LOXL2: variants seen among roughly 807,000 people sequenced by gnomAD.
LOXL2 encodes the protein lysyl oxidase like 2.
Under a neutral mutation model 93.0 loss-of-function variants are expected in LOXL2, and 70 were observed. The observed-to-expected ratio is 0.75, with a 90% CI of 0.62 to 0.92. LOXL2 has a LOEUF of 0.92. Among genes scored for constraint, LOXL2 ranks in the 40% least tolerant of loss-of-function variants. The pLI is 0.00. For synonymous variants in LOXL2, 438 were observed against 413.2 expected (o/e 1.06, Z -0.73); for missense variants, 973 against 1,054.9 (o/e 0.92, Z 1.08).
At chr8:23,346,316 C>T (rs1029656147) in intron 3 of LOXL2, among the ~76,000 whole-genome samples, 1 of 152,098 alleles carries the variant, frequency 6.6e-6, no homozygotes, top group Non-Finnish European at 1.5e-5. Flanking sequence ...TTGCCAGAGA[C>T]AACAGTGCAC....
chr8:23,393,983 G>A (rs1043040865), intron 1 of LOXL2, among the ~76,000 whole-genome samples: 1 of 152,166 alleles, frequency 6.6e-6, no homozygotes, highest in Non-Finnish European at 1.5e-5. Context: ...AACAGACACT[G>A]TCAAGAAAGG....
intron 6 of LOXL2, among the ~76,000 whole-genome samples, chr8:23,324,031 G>C (rs1803540535): frequency 6.6e-6 from 1 of 152,188 alleles, no homozygotes; most frequent in Non-Finnish European, 1.5e-5. Context: ...TCTGCCACTT[G>C]ACATGAACTC....
At chr8:23,403,091 G>A (rs930272452) in intron 1 of LOXL2, among the ~76,000 whole-genome samples, 5 of 152,174 alleles carry the variant, frequency 3.3e-5, no homozygotes, top group Non-Finnish European at 7.3e-5. Flanking sequence ...ACCTCGAGCA[G>A]GCAGCCACAC....
At chr8:23,349,229 G>A (rs1237344053) in intron 3 of LOXL2, among the ~76,000 whole-genome samples, 1 of 152,146 alleles carries the variant, frequency 6.6e-6, no homozygotes, top group Non-Finnish European at 1.5e-5. Context: ...CTAGGCCTGT[G>A]CTGTCTCCTC....
At chr8:23,372,250 C>G (rs10448069) in intron 1 of LOXL2, among the ~76,000 whole-genome samples, 43,371 of 149,592 alleles carry the variant, frequency 0.29, 6,390 homozygotes, top group East Asian at 0.44. Flanking sequence ...GAGTCTTGCT[C>G]TGTTGCCCAG....
intron 9 of LOXL2, among the ~76,000 whole-genome samples, chr8:23,314,748 A>G (rs5006881): frequency 0.062 from 9,373 of 150,774 alleles, 582 homozygotes; most frequent in East Asian, 0.16. Flanking sequence ...ACATATGTAA[A>G]TAACCTGCAC....
Position 23,298,842 on chromosome 8 carries a change from G to C in LOXL2, c.2239C>G (p.His747Asp). ...GGGGGCGGCCTGGCCTTACCTATGT[G>C]GCAGTTGTACATCCAGATGCGGTGG... ...DGHRIWMYNC[H>D]IGGSFSEETE... The change falls in exon 13 of 14, where the codon CAC becomes GAC. Residue 747 changes from histidine (H) to aspartate (D), a missense_variant. Physicochemically the swap from His to Asp is moderately conservative, Grantham distance 81. Transcript: ENST00000389131. 1 of 1,608,794 alleles carries C rather than the reference G, an allele frequency of 6.2e-7. No homozygotes were observed. The highest frequency in any genetic ancestry group is 1.3e-5 in the African/African-American group (1 of 74,928).
At chr8:23,304,084 G>C in intron 10 of LOXL2, among the ~76,000 whole-genome samples, 1 of 152,224 alleles carries the variant, frequency 6.6e-6, no homozygotes, top group East Asian at 1.9e-4. Context: ...AGACAGCTGG[G>C]AGGCCCTCTG....
chr8:23,389,994 C>A (rs546527095), intron 1 of LOXL2, among the ~76,000 whole-genome samples: 1 of 152,310 alleles, frequency 6.6e-6, no homozygotes, highest in African/African-American at 2.4e-5. Context: ...AACAGTGTGG[C>A]CCAGAGCTCG....
chr8:23,396,844 T>C (rs568599927), intron 1 of LOXL2, among the ~76,000 whole-genome samples: 1 of 152,348 alleles, frequency 6.6e-6, no homozygotes, highest in South Asian at 2.1e-4. Context: ...GTTCTATTCT[T>C]GATGTAGTAG....
chr8:23,403,310 C>A (rs1800175715), intron 1 of LOXL2, among the ~76,000 whole-genome samples: 2 of 152,198 alleles, frequency 1.3e-5, no homozygotes, highest in Non-Finnish European at 1.5e-5. Flanking sequence ...AGAGGCAGGG[C>A]GACTTGGGAG....
In LOXL2 at chr8:23,383,243, G is replaced by C. The variant is rs565789372; in HGVS notation, c.-83-14809C>G. The stretch of plus-strand genomic sequence containing the variant: ...GGGTGTCTTGGAATCAGAACACGCT[G>C]TCTGAATCCTGCCTGCCCCACTTCC... On this transcript the variant is annotated intron_variant, in intron 1 of 13. Transcript: ENST00000389131. Among the ~76,000 whole-genome samples, 5 of 152,210 alleles carry C rather than the reference G, an allele frequency of 3.3e-5. No individual in the cohort carries two copies. In the East Asian group the frequency reaches 9.6e-4, roughly 29 times the overall value.
chr8:23,367,918 C>T, intron 2 of LOXL2, 79 bp downstream of exon 2: 5 of 1,182,412 alleles, frequency 4.2e-6, no homozygotes, highest in South Asian at 2.8e-5. Context: ...GCAGCCTCCT[C>T]TCCCAGGCTG....
intron 5 of LOXL2, among the ~76,000 whole-genome samples, chr8:23,332,446 TAC>T (rs1270475085): frequency 2.0e-4 from 20 of 101,600 alleles, no homozygotes; most frequent in South Asian, 3.6e-4. Context: ...CACACACTCC[TAC>T]AGACACACCC....
chr8:23,308,107 A>G (rs1803258608), intron 10 of LOXL2, among the ~76,000 whole-genome samples: 1 of 152,166 alleles, frequency 6.6e-6, no homozygotes, highest in Non-Finnish European at 1.5e-5. Flanking sequence ...GACAACTCCA[A>G]GCCTCTGTGT....
At chr8:23,333,726 G>A in intron 4 of LOXL2, 103 bp from the exon 5 acceptor site, 1 of 881,260 alleles carries the variant, frequency 1.1e-6, no homozygotes. Flanking sequence ...TGCTCCTGGA[G>A]CTCAGCCCTG....
chr8:23,350,871 GGCAAGCCCT>G (rs1804081292), intron 3 of LOXL2, among the ~76,000 whole-genome samples: 1 of 152,158 alleles, frequency 6.6e-6, no homozygotes, highest in South Asian at 2.1e-4. Flanking sequence ...TTGGAGAACG[GGCAAGCCCT>G]GCTGTCAGCA....
intron 2 of LOXL2, among the ~76,000 whole-genome samples, 178 bp from the exon 3 acceptor site, chr8:23,360,443 G>A (rs1385259953): frequency 6.6e-6 from 1 of 152,150 alleles, no homozygotes; most frequent in East Asian, 1.9e-4. Context: ...GGGGATTCCT[G>A]GACCACAGTA....
chr8:23,378,952 T>G (rs1207604259), intron 1 of LOXL2, among the ~76,000 whole-genome samples: 1 of 152,272 alleles, frequency 6.6e-6, no homozygotes, highest in Non-Finnish European at 1.5e-5. Flanking sequence ...TCATTCTCTG[T>G]CCAGCTTTGT....
Sources: gnomAD v4.1 joint callset for allele counts (sites outside exome capture counted in the v4.1 genomes callset) on GRCh38, gnomAD v4.1.1 for gene constraint, MANE v1.5 for transcripts, NCBI Gene and HGNC (gene_info 2026-07-23, HGNC 2026-07-21) for gene names.